Variants in NYNRIN observed in about 807,000 individuals in gnomAD.
The protein encoded by NYNRIN is NYN domain and retroviral integrase containing.
NYNRIN carries 86 observed loss-of-function variants against 146.6 expected under a neutral mutation model. That is an observed-to-expected ratio of 0.59 (90% CI 0.49 to 0.70). The LOEUF (loss-of-function observed/expected upper bound fraction) is 0.70. Ranked by LOEUF, NYNRIN falls within the 30% of genes least tolerant of loss-of-function variation. The pLI is 0.00. For synonymous variants in NYNRIN, 1,027 were observed against 1,001.3 expected, an observed-to-expected ratio of 1.03 and a Z score of -0.48; for missense variants, 2,191 against 2,377.7, an observed-to-expected ratio of 0.92 and a Z score of 1.63.
chr14:24,409,511 T>A lies in NYNRIN; in HGVS notation c.1717T>A (p.Ser573Thr). 6.2e-7 allele frequency: 1 copy of A among 1,613,382 alleles called. No homozygotes were observed. The highest frequency in any genetic ancestry group is 8.5e-7 in the Non-Finnish European group (1 of 1,179,664). The change falls in exon 4 of 9, where the codon TCT becomes ACT. Residue 573 changes from serine to threonine, a missense_variant. This residue lies in a region of NYNRIN where 895 missense variants were observed against 941.2 expected (regional missense o/e 0.95). Transcript: ENST00000382554. Reference sequence around the variant, plus strand: ...ATCTGCAGCTCCCAAACTGCCTACATCTCGAATGATGCTGGCAGTGCACAC... The same window carrying A: ...ATCTGCAGCTCCCAAACTGCCTACAACTCGAATGATGCTGGCAGTGCACAC... ...VPSAAPKLPTSRMMLAVHTEP... is the reference protein window; with the variant it reads ...VPSAAPKLPTTRMMLAVHTEP...
chr14:24,406,532 A>AG (rs1414333111), intron 2 of NYNRIN, among the ~76,000 whole-genome samples: 2 of 152,174 alleles, frequency 1.3e-5, no homozygotes, highest in Admixed American at 1.3e-4. Flanking sequence ...CTGATTGAAA[A>AG]GGGGTTAGAC....
At position 24,415,768 on chromosome 14, in the gene NYNRIN, C is replaced by T. The variant is rs2042940965; in HGVS notation, c.4019C>T (p.Ser1340Phe). The T allele has an allele frequency of 6.2e-7, 1 of 1,613,912 alleles. No individual in the cohort carries two copies. ...CTATCGCCCACCAGCCCCCCTGTCT[C>T]CCTTTCCTTCTCCTGCTCCCCTTAC... ...YVLSPTSPPV[S>F]LSFSCSPYTP... is the part of the protein sequence containing the mutation. The change falls in exon 9 of 9, where the codon TCC becomes TTC. Residue 1340 changes from serine (S) to phenylalanine (F), a missense_variant. By Grantham distance (155) the Ser-to-Phe change is radical. Around this residue, in one of 3 missense-constraint regions of NYNRIN, gnomAD observed 1,291 missense variants for 1,417.0 expected, o/e 0.91. Transcript: ENST00000382554.
chr14:24,399,003 C>T lies in NYNRIN; in HGVS notation c.-101C>T. The T allele has an allele frequency of 2.1e-6, 1 of 479,656 alleles. No individual in the cohort carries two copies. Among genetic ancestry groups the T allele is most frequent in the Non-Finnish European group, 3.7e-6 (1 of 273,364 alleles). The allele number at this position is 479,656 out of a possible 1,614,324, so 29.7% of individuals were successfully genotyped here. A position where few individuals can be genotyped will look rare whatever the true frequency, so the allele number is the denominator to read the frequency against. ...GCCCGACCGGTCCCACCCCTAGCTA[C>T]AACCCCGGGCAGGAAGAGCTCGTCG... On this transcript the variant is annotated 5_prime_UTR_variant, in exon 1 of 9. Transcript: ENST00000382554.
intron 2 of NYNRIN, among the ~76,000 whole-genome samples, chr14:24,400,355 A>G (rs779253405): frequency 1.3e-5 from 2 of 152,078 alleles, no homozygotes; most frequent in Non-Finnish European, 2.9e-5. Context: ...CTTCCCTTAG[A>G]TTCCTTTATC....
chr14:24,417,256 C>A lies in NYNRIN; in HGVS notation c.5507C>A (p.Ser1836Tyr). 8 of 1,614,010 alleles carry A rather than the reference C, an allele frequency of 5.0e-6. No homozygotes were observed. The highest frequency in any genetic ancestry group is 6.8e-6 in the Non-Finnish European group (8 of 1,179,888). ...GTGGGTGACCAGGTCCTTTTGCTGT[C>A]CCTCCCCAGGAATGGCAGCAGTGCC... ...WNVGDQVLLLSLPRNGSSAKW... is the reference protein window; with the variant it reads ...WNVGDQVLLLYLPRNGSSAKW... The change falls in exon 9 of 9, where the codon TCC becomes TAC. Residue 1836 changes from serine to tyrosine, a missense_variant. Ser to Tyr is a moderately radical substitution (Grantham distance 144, BLOSUM62 -2). This residue lies in a region of NYNRIN where 1,291 missense variants were observed against 1,417.0 expected (regional missense o/e 0.91). Transcript: ENST00000382554.
intron 4 of NYNRIN, among the ~76,000 whole-genome samples, chr14:24,410,472 C>T (rs1566485708): frequency 2.0e-5 from 3 of 152,196 alleles, no homozygotes; most frequent in Non-Finnish European, 4.4e-5. Flanking sequence ...GAAATCTTGC[C>T]CAAGATCCCT....
At position 24,415,239 on chromosome 14, in the gene NYNRIN, G is replaced by A. The variant is rs1330955302; in HGVS notation, c.3490G>A (p.Val1164Met). 6.2e-7 allele frequency: 1 copy of A among 1,613,368 alleles called. No homozygotes were observed. The highest frequency in any genetic ancestry group is 8.5e-7 in the Non-Finnish European group (1 of 1,179,876). ...PNSQLPFRLEVTVSHVALTAI... is the reference protein window; with the variant it reads ...PNSQLPFRLEMTVSHVALTAI... The stretch of plus-strand genomic sequence containing the variant: ...CTCCCAGCTGCCCTTCCGCCTGGAG[G>A]TGACCGTGAGCCACGTGGCCCTGAC... The change falls in exon 9 of 9, where the codon GTG (valine) becomes ATG (methionine). Residue 1164 changes from valine to methionine, a missense_variant. By Grantham distance (21) the Val-to-Met change is conservative (BLOSUM62 1). Around this residue, in one of 3 missense-constraint regions of NYNRIN, gnomAD observed 1,291 missense variants for 1,417.0 expected, o/e 0.91. Transcript: ENST00000382554.
chr14:24,403,709 C>T (rs1469538303), intron 2 of NYNRIN, among the ~76,000 whole-genome samples: 4 of 152,222 alleles, frequency 2.6e-5, no homozygotes, highest in Non-Finnish European at 5.9e-5. Flanking sequence ...GATTTCTCTT[C>T]ACCGTCATCC....
Position 24,416,947 on chromosome 14 carries a change from A to C in NYNRIN, c.5198A>C (p.His1733Pro). ...GCCCTCAAGGAGTTCATCTTCCTGC[A>C]TGGGAAGAAGTGGGCGGCCTCCCTG... Reference protein sequence around the residue: ...KRALKEFIFLHGKKWAASLPL... With the variant: ...KRALKEFIFLPGKKWAASLPL... The change falls in exon 9 of 9, where the codon CAT (histidine) becomes CCT (proline). Residue 1733 changes from histidine (H) to proline (P), a missense_variant. By Grantham distance (77) the His-to-Pro change is moderately conservative (BLOSUM62 -2). Around this residue, in one of 3 missense-constraint regions of NYNRIN, gnomAD observed 1,291 missense variants for 1,417.0 expected, o/e 0.91. Transcript: ENST00000382554. The C allele has an allele frequency of 6.3e-7, 1 of 1,588,604 alleles. No homozygotes were observed. Among genetic ancestry groups the C allele is most frequent in the Non-Finnish European group, 8.6e-7 (1 of 1,165,912 alleles).
Position 24,408,815 on chromosome 14 carries a change from C to T in NYNRIN, c.1021C>T (p.Leu341=), listed in dbSNP as rs2042892169. The change falls in exon 4 of 9, where the codon CTG becomes TTG. Residue 341 remains leucine, a synonymous_variant. Coordinates refer to ENST00000382554, the MANE Select transcript of NYNRIN (RefSeq NM_025081.3). ...CCTCTTCCAACCTCCAGTATCAGCCCTGGGTGTGTGCCCACCCTGGAAGGC... is the reference window on the plus strand; with the variant it reads ...CCTCTTCCAACCTCCAGTATCAGCCTTGGGTGTGTGCCCACCCTGGAAGGC... ...KLLFQPPVSA[L]GVCPPWKAWT... The T allele has an allele frequency of 6.2e-7, 1 of 1,614,032 alleles. No homozygotes were observed. The highest frequency in any genetic ancestry group is 2.2e-5 in the East Asian group (1 of 44,886).
Position 24,415,623 on chromosome 14 carries a change from C to G in NYNRIN, c.3874C>G (p.Pro1292Ala). The G allele has an allele frequency of 6.2e-7, 1 of 1,613,978 alleles. No homozygotes were observed. Among genetic ancestry groups the G allele is most frequent in the Non-Finnish European group, 8.5e-7 (1 of 1,179,890 alleles). The change falls in exon 9 of 9, where the codon CCT (proline) becomes GCT (alanine). Residue 1292 changes from proline to alanine, a missense_variant. By Grantham distance (27) the Pro-to-Ala change is conservative (BLOSUM62 -1). This residue lies in a region of NYNRIN where 1,291 missense variants were observed against 1,417.0 expected (regional missense o/e 0.91). Transcript: ENST00000382554. ...CCTGCTCACCCCCGCGGCCTCCATGCCTCGCTTCTTCCAGGTTCTGCCGCC... is the reference window on the plus strand; with the variant it reads ...CCTGCTCACCCCCGCGGCCTCCATGGCTCGCTTCTTCCAGGTTCTGCCGCC... Reference protein sequence around the residue: ...NRLLTPAASMPRFFQVLPPFS... With the variant: ...NRLLTPAASMARFFQVLPPFS...
intron 2 of NYNRIN, among the ~76,000 whole-genome samples, chr14:24,405,321 A>C (rs754647876): frequency 1.8e-4 from 28 of 152,236 alleles, no homozygotes; most frequent in Non-Finnish European, 3.2e-4. Flanking sequence ...TGACAAGTAC[A>C]GAATAATATT....
At position 24,414,681 on chromosome 14, in the gene NYNRIN, G is replaced by A. The variant is rs8017377; in HGVS notation, c.2932G>A (p.Ala978Thr). The change falls in exon 9 of 9, where the codon GCT becomes ACT. Residue 978 changes from alanine to threonine, a missense_variant. By Grantham distance (58) the Ala-to-Thr change is moderately conservative. Coordinates refer to ENST00000382554, the MANE Select transcript of NYNRIN (RefSeq NM_025081.3). ...CAGTGTCACTGAGCTGAGTGATGAC[G>A]CTGACTCTGGGCCCCTGGAGAGTCT... Reference protein sequence around the residue: ...SASVTELSDDADSGPLESLPN... With the variant: ...SASVTELSDDTDSGPLESLPN... The A allele has an allele frequency of 0.43, 688,641 of 1,612,694 alleles. 156,619 individuals carry two copies. Among genetic ancestry groups the A allele is most frequent in the Non-Finnish European group, 0.47 (558,439 of 1,179,186 alleles).
Position 24,409,557 on chromosome 14 carries a change from T to A in NYNRIN, c.1763T>A (p.Val588Glu), listed in dbSNP as rs371945048. ...AVHTEPAAPE[V>E]PLAPTKPTAQ... ...CACACAGAGCCTGCAGCTCCCGAAG[T>A]GCCTTTGGCTCCAACAAAGCCAACA... The change falls in exon 4 of 9, where the codon GTG becomes GAG. Residue 588 changes from valine (V) to glutamate (E), a missense_variant. Coordinates refer to ENST00000382554, the MANE Select transcript of NYNRIN (RefSeq NM_025081.3). The A allele has an allele frequency of 6.2e-7, 1 of 1,611,640 alleles. No homozygotes were observed. Among genetic ancestry groups the A allele is most frequent in the Non-Finnish European group, 8.5e-7 (1 of 1,178,850 alleles).
chr14:24,416,966 CT>C lies in NYNRIN; in HGVS notation c.5218del (p.Ser1740ProfsTer22), dbSNP rs2042952318. 6.3e-7 allele frequency: 1 copy of C among 1,584,750 alleles called. No homozygotes were observed. Among genetic ancestry groups the C allele is most frequent in the Non-Finnish European group, 8.6e-7 (1 of 1,163,890 alleles). On this transcript the variant is annotated frameshift_variant, in exon 9 of 9. Coordinates refer to ENST00000382554, the MANE Select transcript of NYNRIN (RefSeq NM_025081.3). LOFTEE classifies it high-confidence loss of function. ...TCCTGCATGGGAAGAAGTGGGCGGC[CT>C]CCCTGCCTTTGCTGCACCTGGCCTT... ...IFLHGKKWAA[S>X]LPLLHLAFRA...
At chr14:24,401,642 A>G (rs545388797) in intron 2 of NYNRIN, among the ~76,000 whole-genome samples, 1 of 152,316 alleles carries the variant, frequency 6.6e-6, no homozygotes, top group Admixed American at 6.5e-5. Context: ...AGACTATAAT[A>G]ATACCTGGTT....
chr14:24,405,131 A>G (rs2042869463), intron 2 of NYNRIN, among the ~76,000 whole-genome samples: 2 of 151,868 alleles, frequency 1.3e-5, no homozygotes, highest in South Asian at 4.2e-4. Flanking sequence ...CTGCTCCTCA[A>G]AGAACCTGGT....
At position 24,418,123 on chromosome 14, in the gene NYNRIN, T is replaced by C; in HGVS notation, c.*677T>C. ...GCCACAAGCCACCAGCTTGTCAGCATGGGAAGGGCAAGGGGGAAATGGGTT... is the reference window on the plus strand; with the variant it reads ...GCCACAAGCCACCAGCTTGTCAGCACGGGAAGGGCAAGGGGGAAATGGGTT... On this transcript the variant is annotated 3_prime_UTR_variant, in exon 9 of 9. Transcript: ENST00000382554. 1 of 379,204 alleles carries C rather than the reference T, an allele frequency of 2.6e-6. No homozygotes were observed. Among genetic ancestry groups the C allele is most frequent in the South Asian group, 1.9e-5 (1 of 52,250 alleles). 23.5% of individuals were successfully genotyped at this position (379,204 alleles called of 1,614,324 possible). A position where few individuals can be genotyped will look rare whatever the true frequency, so the allele number is the denominator to read the frequency against.
chr14:24,400,677 G>A (rs1594736220), intron 2 of NYNRIN, among the ~76,000 whole-genome samples: 1 of 152,196 alleles, frequency 6.6e-6, no homozygotes, highest in South Asian at 2.1e-4. Context: ...AGAAGCCGGG[G>A]TAGGGTAGGC....
Sources: allele counts gnomAD v4.1 joint callset (sites outside exome capture counted in the v4.1 genomes callset), GRCh38; gene constraint gnomAD v4.1.1; regional missense constraint gnomAD v4.1.1; transcripts MANE v1.5; gene names NCBI Gene and HGNC (gene_info 2026-07-23, HGNC 2026-07-21).